Variants in AUTS2 observed in about 807,000 individuals in gnomAD.
AUTS2 encodes the protein autism susceptibility gene 2 protein.
In AUTS2, 17 loss-of-function variants were observed where a neutral mutation model predicts 112.4. The ratio of observed to expected loss-of-function variants is 0.15; its 90% confidence interval spans 0.10 to 0.23. The LOEUF is 0.23. Ranked by LOEUF, AUTS2 falls within the 10% of genes least tolerant of loss-of-function variation. The pLI is 1.00. For synonymous variants in AUTS2, 751 were observed against 702.7 expected, an observed-to-expected ratio of 1.07 and a Z score of -1.09; for missense variants, 1,510 against 1,701.6, an observed-to-expected ratio of 0.89 and a Z score of 1.98.
intron 1 of AUTS2, among the ~76,000 whole-genome samples, chr7:69,627,089 A>T (rs1466987655): frequency 2.0e-5 from 3 of 152,200 alleles, no homozygotes; most frequent in Non-Finnish European, 2.9e-5. Context: ...TTCATTCGTC[A>T]CTTTCTTGAG....
chr7:70,464,327 G>A (rs917461242), intron 5 of AUTS2, among the ~76,000 whole-genome samples: 21 of 152,218 alleles, frequency 1.4e-4, no homozygotes, highest in African/African-American at 4.8e-4. Flanking sequence ...AGTTATGAAT[G>A]CATCCCCAAG....
chr7:70,789,818 C>T lies in AUTS2; in HGVS notation c.2602C>T (p.His868Tyr), dbSNP rs1286213604. 1 of 1,614,182 alleles carries T rather than the reference C, an allele frequency of 6.2e-7. No homozygotes were observed. The highest frequency in any genetic ancestry group is 1.1e-5 in the South Asian group (1 of 91,082). ...APVLPVNALGHTRSSTEQIRA... is the reference protein window; with the variant it reads ...APVLPVNALGYTRSSTEQIRA... ...TGTCCTCCCGGTGAATGCCCTGGGACATACCCGCAGCTCCACTGAACAGAT... is the reference window on the plus strand; with the variant it reads ...TGTCCTCCCGGTGAATGCCCTGGGATATACCCGCAGCTCCACTGAACAGAT... The change falls in exon 19 of 19, where the codon CAT becomes TAT. Residue 868 changes from histidine to tyrosine, a missense_variant. His to Tyr is a moderately conservative substitution (Grantham distance 83). This residue lies in a region of AUTS2 where 788 missense variants were observed against 797.6 expected (regional missense o/e 0.99). Transcript: ENST00000342771.
At chr7:70,309,855 C>A (rs1789656397) in intron 4 of AUTS2, among the ~76,000 whole-genome samples, 1 of 152,168 alleles carries the variant, frequency 6.6e-6, no homozygotes, top group Non-Finnish European at 1.5e-5. Context: ...ATCTTTGCAG[C>A]ATGTTGCTTT....
Position 70,432,092 on chromosome 7 carries a change from A to C in AUTS2, c.661-3660A>C, listed in dbSNP as rs555924689. Among the ~76,000 whole-genome samples the C allele has an allele frequency of 2.6e-5, 4 of 152,330 alleles. No individual in the cohort carries two copies. The Middle Eastern group carries it at 0.01, about 389-fold the overall frequency. ...GGAGGATATATTTTTAGCTTTTCAC[A>C]GCGGGCTCTGAAATCTTGTCATGGA... On this transcript the variant is annotated intron_variant, in intron 4 of 18. Transcript: ENST00000342771.
chr7:69,699,278 C>G (rs181840657), intron 1 of AUTS2, among the ~76,000 whole-genome samples: 69 of 152,298 alleles, frequency 4.5e-4, no homozygotes, highest in Admixed American at 4.0e-3. Flanking sequence ...ATGTCTCACT[C>G]TCATCCCTGG....
intron 6 of AUTS2, among the ~76,000 whole-genome samples, chr7:70,731,113 G>T (rs551430175): frequency 1.9e-4 from 29 of 152,168 alleles, no homozygotes; most frequent in Admixed American, 6.5e-4. Context: ...TTGTTGAGTT[G>T]TAATAGTTCT....
chr7:70,044,980 C>T (rs1193610827), intron 2 of AUTS2, among the ~76,000 whole-genome samples: 2 of 151,364 alleles, frequency 1.3e-5, no homozygotes, highest in Non-Finnish European at 2.9e-5. Context: ...TTATGTTTGG[C>T]CCTACAGAGA....
intron 2 of AUTS2, among the ~76,000 whole-genome samples, chr7:70,042,006 T>A (rs1034412335): frequency 1.3e-5 from 2 of 152,202 alleles, no homozygotes; most frequent in Non-Finnish European, 2.9e-5. Flanking sequence ...AAATGGCTTA[T>A]TAAAATTAAC....
chr7:70,640,233 C>G (rs980556902), intron 5 of AUTS2, among the ~76,000 whole-genome samples: 1 of 151,816 alleles, frequency 6.6e-6, no homozygotes, highest in Non-Finnish European at 1.5e-5. Context: ...TACTTTAGAA[C>G]ATTTCTCTTG....
intron 1 of AUTS2, among the ~76,000 whole-genome samples, chr7:69,765,692 C>T (rs1389607964): frequency 6.6e-6 from 1 of 152,082 alleles, no homozygotes; most frequent in Non-Finnish European, 1.5e-5. Flanking sequence ...GTAATCCTAG[C>T]ATTTTGGGAG....
At chr7:70,498,406 T>A (rs1317405017) in intron 5 of AUTS2, among the ~76,000 whole-genome samples, 2 of 152,176 alleles carry the variant, frequency 1.3e-5, no homozygotes, top group Non-Finnish European at 2.9e-5. Flanking sequence ...ATTACCTATG[T>A]GGAAAAAAGC....
intron 2 of AUTS2, among the ~76,000 whole-genome samples, chr7:69,996,969 A>C: frequency 6.6e-6 from 1 of 150,950 alleles, no homozygotes; most frequent in Non-Finnish European, 1.5e-5. Context: ...AAAAAAGCAA[A>C]CTCCAGGCTC....
intron 5 of AUTS2, among the ~76,000 whole-genome samples, chr7:70,445,482 A>C (rs1480920593): frequency 6.6e-6 from 1 of 152,196 alleles, no homozygotes; most frequent in South Asian, 2.1e-4. Context: ...GCGGTTTCTC[A>C]AGAAACATGG....
chr7:70,433,197 G>C (rs1382244823), intron 4 of AUTS2, among the ~76,000 whole-genome samples: 1 of 152,106 alleles, frequency 6.6e-6, no homozygotes, highest in African/African-American at 2.4e-5. Flanking sequence ...CATTCCCAGG[G>C]ACATACTGCC....
rs78402551 is a variant in AUTS2, at chr7:70,303,761, G to A, written c.661-131991G>A. On this transcript the variant is annotated intron_variant, in intron 4 of 18. Transcript: ENST00000342771. Reference sequence around the variant, plus strand: ...TACATGTTCCCTTACTGCTAGAAGGGTTTTACTGGTGCCCTGACACTCTTC... The same window carrying A: ...TACATGTTCCCTTACTGCTAGAAGGATTTTACTGGTGCCCTGACACTCTTC... Among the ~76,000 whole-genome samples the A allele has an allele frequency of 8.7e-4, 133 of 152,176 alleles. 2 individuals are homozygous for A. The East Asian group carries it at 0.024, about 27-fold the overall frequency.
intron 4 of AUTS2, among the ~76,000 whole-genome samples, chr7:70,157,460 T>A (rs1046512688): frequency 2.6e-5 from 4 of 151,912 alleles, no homozygotes; most frequent in African/African-American, 9.7e-5. Flanking sequence ...TTTATTGTTT[T>A]ATTATTTATT....
rs1171392217 is a variant in AUTS2 at position 70,264,107 on chromosome 7, G to A, written c.660+129536G>A. On this transcript the variant is annotated intron_variant, in intron 4 of 18. Transcript: ENST00000342771. ...TTCTCAATTCTATTATGTTGGAAGAGTGGAAGCGTTCATAAAATGTTGTGA... is the reference window on the plus strand; with the variant it reads ...TTCTCAATTCTATTATGTTGGAAGAATGGAAGCGTTCATAAAATGTTGTGA... 2.6e-5 allele frequency among the ~76,000 whole-genome samples: 4 copies of A among 152,192 alleles called. No homozygotes were observed. The East Asian group carries it at 7.7e-4, about 29-fold the overall frequency.
intron 4 of AUTS2, among the ~76,000 whole-genome samples, chr7:70,208,443 T>A (rs901113485): frequency 1.9e-4 from 29 of 152,270 alleles, no homozygotes; most frequent in African/African-American, 7.0e-4. Context: ...TCCAAGGACT[T>A]TTAGAGTAAT....
At chr7:69,750,706 G>GT (rs779960337) in intron 1 of AUTS2, among the ~76,000 whole-genome samples, 5 of 151,878 alleles carry the variant, frequency 3.3e-5, no homozygotes, top group Non-Finnish European at 7.4e-5. Context: ...AAAGTGCTGG[G>GT]TTTATAGGCA....
Sources: allele counts gnomAD v4.1 joint callset (sites outside exome capture counted in the v4.1 genomes callset), GRCh38; gene constraint gnomAD v4.1.1; regional missense constraint gnomAD v4.1.1; transcripts MANE v1.5; gene names NCBI Gene and HGNC (gene_info 2026-07-23, HGNC 2026-07-21).